SCEL: variants seen among roughly 807,000 people sequenced by gnomAD.
SCEL encodes sciellin.
A neutral mutation model predicts 117.6 loss-of-function variants in SCEL; 113 were observed. That is an observed-to-expected ratio of 0.96 (90% CI 0.83 to 1.12). The LOEUF is 1.12. Among genes scored for constraint, SCEL ranks in the 50% most tolerant of loss-of-function variants. The probability of loss-of-function intolerance (pLI) is 0.00; values close to 1 mark genes in which losing one functional copy is unlikely to be tolerated. For synonymous variants in SCEL, 270 were observed against 256.2 expected, an observed-to-expected ratio of 1.05 and a Z score of -0.51; for missense variants, 785 against 810.8, an observed-to-expected ratio of 0.97 and a Z score of 0.39.
chr13:77,626,314 C>T (rs959770558), intron 27 of SCEL, among the ~76,000 whole-genome samples: 7 of 152,184 alleles, frequency 4.6e-5, no homozygotes, highest in African/African-American at 1.4e-4. Context: ...ACCCTTGACA[C>T]ATAGGGATTA....
intron 9 of SCEL, 58 bp downstream of exon 9, chr13:77,572,247 C>T (rs372249137): frequency 1.6e-6 from 2 of 1,274,986 alleles, no homozygotes; most frequent in African/African-American, 2.9e-5. Context: ...ACATGTCAGA[C>T]ATTGACAACA....
At position 77,569,540 on chromosome 13, in the gene SCEL, G is replaced by C. The variant is rs2085479718; in HGVS notation, c.479+89G>C. On this transcript the variant is annotated intron_variant, in intron 8 of 32. Transcript: ENST00000349847. ...TCCTCCTCTTTTTTGTGGGGATCCA[G>C]CATCTACATTCTGCTGTTCCCAAAC... 8.6e-6 allele frequency: 8 copies of C among 928,282 alleles called. No individual in the cohort carries two copies. In the Middle Eastern group the frequency reaches 6.6e-4, roughly 77 times the overall value. 57.5% of individuals were successfully genotyped at this position (928,282 alleles called of 1,614,324 possible).
At chr13:77,546,974 T>C (rs182743712) in intron 1 of SCEL, among the ~76,000 whole-genome samples, 139 of 152,334 alleles carry the variant, frequency 9.1e-4, no homozygotes, top group African/African-American at 3.2e-3. Context: ...TCCCAGGGAC[T>C]TCCACTTCAA....
chr13:77,593,612 C>T, intron 12 of SCEL, 39 bp downstream of exon 12: 1 of 1,520,244 alleles, frequency 6.6e-7, no homozygotes, highest in South Asian at 1.1e-5. Flanking sequence ...TTTTATCTTC[C>T]CTGGTGTTTC....
At chr13:77,634,235 T>C (rs1386192827) in intron 28 of SCEL, 144 bp from the exon 29 acceptor site, 2 of 720,306 alleles carry the variant, frequency 2.8e-6, no homozygotes, top group Admixed American at 2.5e-5. Flanking sequence ...GCTGTGTTAA[T>C]ACCACTCTAA....
intron 13 of SCEL, among the ~76,000 whole-genome samples, chr13:77,598,942 A>G (rs2087443833): frequency 6.6e-6 from 1 of 152,178 alleles, no homozygotes; most frequent in Non-Finnish European, 1.5e-5. Context: ...TTGGCCTCCC[A>G]AAGTACTGGG....
At chr13:77,546,503 G>C (rs757426060) in intron 1 of SCEL, among the ~76,000 whole-genome samples, 6 of 152,140 alleles carry the variant, frequency 3.9e-5, no homozygotes, top group Non-Finnish European at 7.3e-5. Context: ...ACAGCCGGTG[G>C]TACTTGGTAG....
At chr13:77,542,729 G>A (rs1048958219) in intron 1 of SCEL, among the ~76,000 whole-genome samples, 2 of 152,112 alleles carry the variant, frequency 1.3e-5, no homozygotes, top group African/African-American at 4.8e-5. Flanking sequence ...AGTACTGTTT[G>A]TTTTCCCCTT....
chr13:77,559,868 G>A lies in SCEL; in HGVS notation c.221+5G>A, dbSNP rs374924974. On this transcript the variant is annotated splice_donor_5th_base_variant and intron_variant, in intron 4 of 32. Transcript: ENST00000349847. ...TTCCCATGATGCATTGGACAGGTGG[G>A]TGTTTAGACATGTTACATCATGAGC... 4 of 1,611,178 alleles carry A rather than the reference G, an allele frequency of 2.5e-6. No individual in the cohort carries two copies. The highest frequency in any genetic ancestry group is 3.4e-6 in the Non-Finnish European group (4 of 1,177,552).
chr13:77,612,334 G>C lies in SCEL; in HGVS notation c.1338-557G>C, dbSNP rs1363141691. Among the ~76,000 whole-genome samples, 3 of 151,926 alleles carry C rather than the reference G, an allele frequency of 2.0e-5. 1 individual carries two copies. Among genetic ancestry groups the C allele is most frequent in the Non-Finnish European group, 4.4e-5 (3 of 67,950 alleles). Reference sequence around the variant, plus strand: ...CTGAGGCCTTGCTTGTGCTAATTCAGCTTTGCACGAAGTGTGATTCTGAAC... The same window carrying C: ...CTGAGGCCTTGCTTGTGCTAATTCACCTTTGCACGAAGTGTGATTCTGAAC... On this transcript the variant is annotated intron_variant, in intron 22 of 32. Coordinates refer to ENST00000349847, the MANE Select transcript of SCEL (RefSeq NM_144777.3).
At chr13:77,567,838 A>G (rs999339852) in intron 6 of SCEL, 90 bp downstream of exon 6, 76 of 782,920 alleles carry the variant, frequency 9.7e-5, no homozygotes, top group Middle Eastern at 4.7e-4. Flanking sequence ...ATCCTACTTG[A>G]TATCTTTCTG....
chr13:77,538,684 G>T (rs2083540963), intron 1 of SCEL, among the ~76,000 whole-genome samples: 1 of 152,034 alleles, frequency 6.6e-6, no homozygotes, highest in South Asian at 2.1e-4. Context: ...AATGACAACT[G>T]GTTTACTTCT....
In SCEL at chr13:77,559,865, T is replaced by C. The variant is rs748508048; in HGVS notation, c.221+2T>C. 6 of 1,612,672 alleles carry C rather than the reference T, an allele frequency of 3.7e-6. No homozygotes were observed. Among genetic ancestry groups the C allele is most frequent in the Admixed American group, 3.3e-5 (2 of 59,986 alleles). Reference sequence around the variant, plus strand: ...TAATTCCCATGATGCATTGGACAGGTGGGTGTTTAGACATGTTACATCATG... The same window carrying C: ...TAATTCCCATGATGCATTGGACAGGCGGGTGTTTAGACATGTTACATCATG... On this transcript the variant is annotated splice_donor_variant, in intron 4 of 32. Coordinates refer to ENST00000349847, the MANE Select transcript of SCEL (RefSeq NM_144777.3). LOFTEE classifies it high-confidence loss of function.
At chr13:77,625,782 G>A (rs968605983) in intron 27 of SCEL, among the ~76,000 whole-genome samples, 4 of 152,192 alleles carry the variant, frequency 2.6e-5, no homozygotes, top group African/African-American at 9.7e-5. Context: ...ATATTTGTGA[G>A]TGAGAGTCTG....
chr13:77,633,750 A>T (rs1357809645), intron 28 of SCEL, among the ~76,000 whole-genome samples: 1 of 152,130 alleles, frequency 6.6e-6, no homozygotes, highest in Non-Finnish European at 1.5e-5. Context: ...AATACCCCAC[A>T]TCCAACTTGA....
At chr13:77,568,694 C>T (rs1383700936) in intron 7 of SCEL, among the ~76,000 whole-genome samples, 1 of 152,144 alleles carries the variant, frequency 6.6e-6, no homozygotes, top group Non-Finnish European at 1.5e-5. Context: ...CCCACCCACC[C>T]TTCACATCTA....
At chr13:77,615,576 T>C (rs2088962952) in intron 24 of SCEL, among the ~76,000 whole-genome samples, 1 of 152,124 alleles carries the variant, frequency 6.6e-6, no homozygotes. Context: ...TATCCTAATG[T>C]ATCCTTTACT....
chr13:77,548,809 T>A (rs2084137427), intron 1 of SCEL, among the ~76,000 whole-genome samples: 1 of 152,226 alleles, frequency 6.6e-6, no homozygotes, highest in African/African-American at 2.4e-5. Context: ...ATTTGCCTTC[T>A]GCCATCATTG....
In SCEL at chr13:77,640,784, G is replaced by A; in HGVS notation, c.1947G>A (p.Lys649=). ...LQICCHSTCF[K]CEICKQPLEN... ...TTTGCTGCCATTCTACTTGCTTTAAGGTAAGGATGTGTTTATTTCACTTAA... is the reference window on the plus strand; with the variant it reads ...TTTGCTGCCATTCTACTTGCTTTAAAGTAAGGATGTGTTTATTTCACTTAA... The change falls in exon 31 of 33, where the codon AAG becomes AAA. Residue 649 remains lysine, a splice_region_variant and synonymous_variant. Transcript: ENST00000349847. The A allele has an allele frequency of 7.1e-7, 1 of 1,414,116 alleles. No homozygotes were observed. Among genetic ancestry groups the A allele is most frequent in the East Asian group, 2.3e-5 (1 of 43,256 alleles). 87.6% of individuals were successfully genotyped at this position (1,414,116 alleles called of 1,614,324 possible).
Sources: allele counts gnomAD v4.1 joint callset (sites outside exome capture counted in the v4.1 genomes callset), GRCh38; gene constraint gnomAD v4.1.1; transcripts MANE v1.5; gene names NCBI Gene and HGNC (gene_info 2026-07-23, HGNC 2026-07-21).